GRID2: variants seen among roughly 807,000 people sequenced by gnomAD.
GRID2 encodes glutamate ionotropic receptor delta type subunit 2.
In GRID2, 33 loss-of-function variants were observed where a neutral mutation model predicts 114.8. The ratio of observed to expected loss-of-function variants is 0.29; its 90% CI spans 0.22 to 0.38. The LOEUF is 0.38. Ranked by LOEUF, GRID2 falls within the 10% of genes least tolerant of loss-of-function variation. The pLI is 1.00. For synonymous variants in GRID2, 505 were observed against 449.9 expected (o/e 1.12, Z -1.55); for missense variants, 1,184 against 1,257.7 (o/e 0.94, Z 0.89).
chr4:93,354,813 AAG>A (rs1456979810), intron 8 of GRID2, among the ~76,000 whole-genome samples: 4 of 71,824 alleles, frequency 5.6e-5, no homozygotes, highest in African/African-American at 8.6e-5. Context: ...TTTTATAAAT[AAG>A]ATATATATAT....
In GRID2 at chr4:93,176,787, C is replaced by T. The variant is rs144963483; in HGVS notation, c.736-30617C>T. Among the ~76,000 whole-genome samples the T allele has an allele frequency of 3.6e-3, 550 of 152,202 alleles. 4 individuals carry two copies. The highest frequency in any genetic ancestry group is 0.013 in the African/African-American group (526 of 41,540). ...TCCAGTTTAACACAGAATTCTCAGC[C>T]GTATTTTACCTTTGCCTCTATGTTT... On this transcript the variant is annotated intron_variant, in intron 4 of 15. Coordinates refer to ENST00000282020, the MANE Select transcript of GRID2 (RefSeq NM_001510.4).
intron 14 of GRID2, among the ~76,000 whole-genome samples, chr4:93,682,858 C>G (rs896843885): frequency 6.6e-6 from 1 of 151,148 alleles, no homozygotes; most frequent in Non-Finnish European, 1.5e-5. Flanking sequence ...GTGGAGCACA[C>G]CAGCATGGCA....
intron 2 of GRID2, among the ~76,000 whole-genome samples, chr4:92,887,041 A>G (rs937655801): frequency 2.0e-5 from 3 of 152,216 alleles, no homozygotes; most frequent in Non-Finnish European, 4.4e-5. Context: ...TGTGTTTAAC[A>G]TAAATAACTC....
At chr4:93,724,257 C>A (rs1266753024) in intron 14 of GRID2, among the ~76,000 whole-genome samples, 2 of 152,080 alleles carry the variant, frequency 1.3e-5, no homozygotes, top group African/African-American at 4.8e-5. Context: ...CAAGCGCATG[C>A]GGGATTGTCA....
At chr4:92,673,980 TAAA>T (rs1279930713) in intron 2 of GRID2, among the ~76,000 whole-genome samples, 3 of 151,112 alleles carry the variant, frequency 2.0e-5, no homozygotes, top group African/African-American at 7.3e-5. Context: ...ATAATAAAAA[TAAA>T]AAATAAATAA....
At chr4:93,516,691 T>A (rs937473168) in intron 13 of GRID2, among the ~76,000 whole-genome samples, 1 of 152,044 alleles carries the variant, frequency 6.6e-6, no homozygotes, top group Admixed American at 6.6e-5. Context: ...TGAATGAACA[T>A]GTATTTTTGG....
chr4:93,286,692 G>GTGTGTGTGTGT (rs1561086976), intron 8 of GRID2, among the ~76,000 whole-genome samples: 9 of 141,390 alleles, frequency 6.4e-5, no homozygotes, highest in African/African-American at 2.7e-4. Context: ...TGTGTGTGTG[G>GTGTGTGTGTGT]GGGTGTGTGT....
intron 13 of GRID2, among the ~76,000 whole-genome samples, chr4:93,593,225 C>T (rs921824912): frequency 6.8e-6 from 1 of 146,790 alleles, no homozygotes; most frequent in African/African-American, 2.5e-5. Context: ...GCGCTTCCTT[C>T]AGGAGCTCTT....
chr4:93,373,885 A>C (rs917888171), intron 8 of GRID2, among the ~76,000 whole-genome samples: 2 of 152,208 alleles, frequency 1.3e-5, no homozygotes, highest in African/African-American at 2.4e-5. Context: ...TTGCTGAAAT[A>C]ATAAAAGTAT....
At chr4:92,641,008 T>C (rs1478252271) in intron 2 of GRID2, among the ~76,000 whole-genome samples, 1 of 151,644 alleles carries the variant, frequency 6.6e-6, no homozygotes, top group Non-Finnish European at 1.5e-5. Flanking sequence ...GAAGGAAGAA[T>C]AAGGACGACA....
chr4:93,622,327 C>T (rs550627337), intron 13 of GRID2, among the ~76,000 whole-genome samples: 2 of 152,220 alleles, frequency 1.3e-5, no homozygotes, highest in South Asian at 2.1e-4. Flanking sequence ...TCAAGCCCCA[C>T]GTATATAAAA....
chr4:92,581,776 A>G (rs1294837887), intron 1 of GRID2, among the ~76,000 whole-genome samples: 1 of 152,134 alleles, frequency 6.6e-6, no homozygotes, highest in African/African-American at 2.4e-5. Flanking sequence ...AACAGAATTT[A>G]AAGGTGTCTG....
intron 13 of GRID2, among the ~76,000 whole-genome samples, chr4:93,539,304 C>G (rs531550840): frequency 6.6e-6 from 1 of 152,074 alleles, no homozygotes; most frequent in South Asian, 2.1e-4. Context: ...ACTGTAATTA[C>G]TTTTCCTTGT....
At chr4:92,385,526 CTCATG>C (rs1236237285) in intron 1 of GRID2, among the ~76,000 whole-genome samples, 1 of 151,470 alleles carries the variant, frequency 6.6e-6, no homozygotes. Context: ...TATGAAAACT[CTCATG>C]TCAAGATGTG....
At chr4:93,192,266 C>T (rs1741055862) in intron 4 of GRID2, among the ~76,000 whole-genome samples, 1 of 152,128 alleles carries the variant, frequency 6.6e-6, no homozygotes, top group Non-Finnish European at 1.5e-5. Context: ...AAAAATGAAG[C>T]CTTACAATAG....
At chr4:93,557,076 G>T (rs1039694693) in intron 13 of GRID2, among the ~76,000 whole-genome samples, 1 of 152,126 alleles carries the variant, frequency 6.6e-6, no homozygotes, top group Non-Finnish European at 1.5e-5. Flanking sequence ...TGCCTTACAA[G>T]AGCTCCTGAA....
At chr4:93,079,566 A>G (rs975046619) in intron 2 of GRID2, among the ~76,000 whole-genome samples, 2 of 151,986 alleles carry the variant, frequency 1.3e-5, no homozygotes, top group African/African-American at 4.8e-5. Context: ...TTTGAACCCC[A>G]ACTCTGCCAT....
intron 2 of GRID2, among the ~76,000 whole-genome samples, chr4:92,593,117 A>G (rs1384787455): frequency 2.0e-5 from 3 of 152,022 alleles, no homozygotes; most frequent in Non-Finnish European, 4.4e-5. Context: ...ATATATTAGC[A>G]CTCCTAATGA....
Position 93,278,489 on chromosome 4 carries a change from C to T in GRID2, c.1245+39999C>T, listed in dbSNP as rs73837755. ...TCTTAGTGCTAGGGAAGGCTAATGC[C>T]GAATGGGCATGAGGAAGAAATGGTG... On this transcript the variant is annotated intron_variant, in intron 8 of 15. Coordinates refer to ENST00000282020, the MANE Select transcript of GRID2 (RefSeq NM_001510.4). Among the ~76,000 whole-genome samples, 794 of 151,724 alleles carry T rather than the reference C, an allele frequency of 5.2e-3. 4 individuals carry two copies. Among genetic ancestry groups the T allele is most frequent in the African/African-American group, 0.018 (756 of 41,382 alleles).
Sources: gnomAD v4.1 joint callset for allele counts (sites outside exome capture counted in the v4.1 genomes callset) on GRCh38, gnomAD v4.1.1 for gene constraint, MANE v1.5 for transcripts, NCBI Gene and HGNC (gene_info 2026-07-23, HGNC 2026-07-21) for gene names.